The following KAT6A variants were observed in gnomAD, a reference collection of about 807,000 sequenced individuals.
The protein encoded by KAT6A is histone acetyltransferase KAT6A.
In KAT6A, 9 loss-of-function variants were observed where a neutral mutation model predicts 198.4. The ratio of observed to expected loss-of-function variants is 0.05; its 90% confidence interval spans 0.03 to 0.08. The LOEUF is 0.08. Ranked by LOEUF, KAT6A falls within the 10% of genes least tolerant of loss-of-function variation. The probability of loss-of-function intolerance (pLI) is 1.00; values close to 1 mark genes in which losing one functional copy is unlikely to be tolerated. For synonymous variants in KAT6A, 890 were observed against 883.0 expected (o/e 1.01, Z -0.14); for missense variants, 2,077 against 2,509.9 (o/e 0.83, Z 3.69).
intron 2 of KAT6A, among the ~76,000 whole-genome samples, chr8:42,026,838 A>G (rs1187509191): frequency 2.0e-5 from 3 of 152,036 alleles, no homozygotes; most frequent in African/African-American, 7.3e-5. Context: ...ACCTTGCCTT[A>G]TTCCAATTCT....
At chr8:42,012,705 T>C (rs559466001) in intron 2 of KAT6A, among the ~76,000 whole-genome samples, 1 of 152,318 alleles carries the variant, frequency 6.6e-6, no homozygotes, top group African/African-American at 2.4e-5. Context: ...AGTTTCGCAA[T>C]TTTTTACAGC....
rs948756413 is a variant in KAT6A, at chr8:41,932,627, G to A, written c.5593C>T (p.Pro1865Ser). 1 of 1,614,116 alleles carries A rather than the reference G, an allele frequency of 6.2e-7. No individual in the cohort carries two copies. The highest frequency in any genetic ancestry group is 8.5e-7 in the Non-Finnish European group (1 of 1,179,936). Residue 1865 changes from proline (P) to serine (S), a missense_variant, in exon 17 of 17, where the codon CCC becomes TCC. Physicochemically the swap from Pro to Ser is moderately conservative, Grantham distance 74. This residue lies in a region of KAT6A where 500 missense variants were observed against 577.2 expected (regional missense o/e 0.87). Coordinates refer to ENST00000265713, the MANE Select transcript of KAT6A (RefSeq NM_006766.5). ...ISIRSKSAPL[P>S]SAAAHQQQLY... ...TGCTGCTGGTGAGCAGCCGCAGAGG[G>A]CAGTGGCGCAGACTTGGAGCGGATG...
chr8:41,967,258 T>TA (rs1823543931), intron 8 of KAT6A, among the ~76,000 whole-genome samples: 1 of 29,346 alleles, frequency 3.4e-5, no homozygotes, highest in South Asian at 6.2e-4. Flanking sequence ...CGCGTCTTTC[T>TA]TTTTTTAAAA....
At chr8:42,002,320 G>C (rs533168253) in intron 2 of KAT6A, among the ~76,000 whole-genome samples, 1 of 152,248 alleles carries the variant, frequency 6.6e-6, no homozygotes, top group South Asian at 2.1e-4. Context: ...ATTGTTTTCA[G>C]CTTTTTCTTT....
At chr8:41,973,037 C>G (rs1823876189) in intron 8 of KAT6A, among the ~76,000 whole-genome samples, 1 of 152,202 alleles carries the variant, frequency 6.6e-6, no homozygotes, top group South Asian at 2.1e-4. Context: ...CCAGATCCAC[C>G]TGAATCAAAG....
intron 3 of KAT6A, among the ~76,000 whole-genome samples, chr8:41,985,450 G>A (rs777825349): frequency 3.3e-5 from 5 of 152,106 alleles, no homozygotes; most frequent in South Asian, 2.1e-4. Context: ...AGGGATATTC[G>A]AAAGGTAAAA....
At chr8:42,031,610 G>T (rs1194958408) in intron 2 of KAT6A, among the ~76,000 whole-genome samples, 1 of 143,344 alleles carries the variant, frequency 7.0e-6, no homozygotes, top group Non-Finnish European at 1.5e-5. Context: ...TATTGAAGGA[G>T]CATTCACTTT....
chr8:42,008,656 A>G (rs1216043037), intron 2 of KAT6A, among the ~76,000 whole-genome samples: 1 of 151,660 alleles, frequency 6.6e-6, no homozygotes, highest in Non-Finnish European at 1.5e-5. Context: ...CTCGAGTGAC[A>G]TTTTTTTAAC....
intron 5 of KAT6A, among the ~76,000 whole-genome samples, chr8:41,979,285 C>T (rs1824226755): frequency 6.6e-6 from 1 of 151,704 alleles, no homozygotes. Context: ...AAGTTTCCTG[C>T]CTAAAGCTGC....
At chr8:42,020,991 CTTGTTG>C (rs576313966) in intron 2 of KAT6A, among the ~76,000 whole-genome samples, 5 of 151,776 alleles carry the variant, frequency 3.3e-5, no homozygotes, top group South Asian at 2.1e-4. Context: ...GGGTACTCTG[CTTGTTG>C]TTGTTGTTGT....
chr8:42,001,015 G>A (rs1825469360), intron 2 of KAT6A, among the ~76,000 whole-genome samples: 1 of 152,188 alleles, frequency 6.6e-6, no homozygotes, highest in South Asian at 2.1e-4. Flanking sequence ...GGAGAGGAAG[G>A]AGGGAAGGAA....
chr8:42,046,670 T>C (rs1023062336), intron 2 of KAT6A, among the ~76,000 whole-genome samples: 1 of 152,208 alleles, frequency 6.6e-6, no homozygotes, highest in Non-Finnish European at 1.5e-5. Flanking sequence ...TTAATAATTG[T>C]AGAAATCCGA....
chr8:41,955,253 T>C, intron 9 of KAT6A, 43 bp downstream of exon 9: 5 of 1,199,132 alleles, frequency 4.2e-6, no homozygotes, highest in Non-Finnish European at 6.2e-6. Context: ...TCCAGACTTC[T>C]ATGGATCTCA....
In KAT6A at chr8:41,961,423, C is replaced by T. The variant is rs563954944; in HGVS notation, c.1483-6012G>A. Among the ~76,000 whole-genome samples the T allele has an allele frequency of 3.3e-5, 5 of 152,320 alleles. No homozygotes were observed. The South Asian group carries it at 1.0e-3, about 32-fold the overall frequency. ...TCCCTCTACCAGAGCATTCCATCAG[C>T]ATACAAACAGCTGTTATTCATTCCA... On this transcript the variant is annotated intron_variant, in intron 8 of 16. Transcript: ENST00000265713.
In KAT6A at chr8:41,988,313, T is replaced by C. The variant is rs529555248; in HGVS notation, c.601-750A>G. 6.6e-5 allele frequency among the ~76,000 whole-genome samples: 10 copies of C among 152,306 alleles called. No homozygotes were observed. The South Asian group carries it at 1.7e-3, about 25-fold the overall frequency. ...GGGAAAAAAAATAAAAGAAAGAAGC[T>C]AGATAAGTTCGTGAAGACTGCCACC... On this transcript the variant is annotated intron_variant, in intron 2 of 16. Transcript: ENST00000265713.
intron 2 of KAT6A, among the ~76,000 whole-genome samples, chr8:42,041,611 G>A (rs1323030632): frequency 6.6e-6 from 1 of 152,028 alleles, no homozygotes; most frequent in Non-Finnish European, 1.5e-5. Flanking sequence ...GGTGGCACAC[G>A]CCTGTAATCG....
intron 8 of KAT6A, among the ~76,000 whole-genome samples, chr8:41,964,908 A>G (rs1457359233): frequency 6.6e-5 from 10 of 152,198 alleles, no homozygotes; most frequent in Admixed American, 2.0e-4. Context: ...GGAGACGATG[A>G]TAATAAAATT....
At chr8:42,040,173 A>G (rs1301677598) in intron 2 of KAT6A, among the ~76,000 whole-genome samples, 6 of 152,158 alleles carry the variant, frequency 3.9e-5, no homozygotes, top group Admixed American at 2.6e-4. Flanking sequence ...CTTAAAAAAA[A>G]AAGTCCCTAA....
rs765092352 is a variant in KAT6A, at chr8:41,981,819, T to C, written c.825+20A>G. On this transcript the variant is annotated intron_variant, in intron 4 of 16. Transcript: ENST00000265713. The stretch of plus-strand genomic sequence containing the variant: ...CTACTACTAAATGAAACACCCATAT[T>C]AGAAGGCAGAGATACTCACCGCATT... 10 of 1,446,422 alleles carry C rather than the reference T, an allele frequency of 6.9e-6. No individual in the cohort carries two copies. Among genetic ancestry groups the C allele is most frequent in the African/African-American group, 1.4e-5 (1 of 71,598 alleles). 89.6% of individuals were successfully genotyped at this position (1,446,422 alleles called of 1,614,324 possible).
Sources: gnomAD v4.1 joint callset for allele counts (sites outside exome capture counted in the v4.1 genomes callset) on GRCh38, gnomAD v4.1.1 for gene constraint, gnomAD v4.1.1 regional missense constraint, MANE v1.5 for transcripts, NCBI Gene and HGNC (gene_info 2026-07-23, HGNC 2026-07-21) for gene names.